The following SPATS2 variants were observed in gnomAD, a reference collection of about 807,000 sequenced individuals.
SPATS2 encodes the protein spermatogenesis-associated serine-rich protein 2.
A neutral mutation model predicts 63.7 loss-of-function variants in SPATS2; 38 were observed. The observed-to-expected ratio is 0.60, with a 90% CI of 0.46 to 0.78. SPATS2 has a LOEUF of 0.78. Ranked by LOEUF, SPATS2 falls within the 30% of genes least tolerant of loss-of-function variation. The pLI is 0.00. For missense variants in SPATS2, 588 were observed against 666.2 expected, an observed-to-expected ratio of 0.88 and a Z score of 1.29; for synonymous variants, 207 against 232.9, an observed-to-expected ratio of 0.89 and a Z score of 1.01.
At chr12:49,376,160 G>A (rs935646977) in intron 2 of SPATS2, among the ~76,000 whole-genome samples, 1 of 145,074 alleles carries the variant, frequency 6.9e-6, no homozygotes, top group African/African-American at 2.6e-5. Context: ...GGAGTGCAGT[G>A]GTGCAATCTT....
chr12:49,447,608 A>G (rs1046587145), intron 2 of SPATS2, among the ~76,000 whole-genome samples: 2 of 152,240 alleles, frequency 1.3e-5, no homozygotes, highest in African/African-American at 4.8e-5. Flanking sequence ...ATAAGACACA[A>G]TCTGGCCTTG....
intron 2 of SPATS2, among the ~76,000 whole-genome samples, chr12:49,403,384 T>C (rs1221493311): frequency 6.6e-6 from 1 of 152,024 alleles, no homozygotes; most frequent in East Asian, 1.9e-4. Flanking sequence ...TCCCAGCACT[T>C]TGGGAGGCCG....
intron 6 of SPATS2, chr12:49,491,057 T>C (rs1946374344): frequency 5.5e-6 from 1 of 182,994 alleles, no homozygotes; most frequent in Admixed American, 6.1e-5. Context: ...GGCAGGAGAA[T>C]AACTTGAACC....
chr12:49,481,861 A>G (rs986021024), intron 3 of SPATS2, among the ~76,000 whole-genome samples: 1 of 152,110 alleles, frequency 6.6e-6, no homozygotes, highest in African/African-American at 2.4e-5. Flanking sequence ...TTCCTTAAAA[A>G]TGTGTTTCTG....
chr12:49,490,342 T>C (rs1457933957), intron 5 of SPATS2: 1 of 201,086 alleles, frequency 5.0e-6, no homozygotes, highest in Non-Finnish European at 9.9e-6. Flanking sequence ...GGGGAAAGGA[T>C]GGCACACTTG....
chr12:49,378,801 G>A (rs1019159779), intron 2 of SPATS2, among the ~76,000 whole-genome samples: 27 of 150,808 alleles, frequency 1.8e-4, no homozygotes, highest in Non-Finnish European at 3.7e-4. Context: ...TTGCTATGTT[G>A]CATAGGCTGG....
At chr12:49,485,669 G>A (rs1295969032) in intron 4 of SPATS2, among the ~76,000 whole-genome samples, 1 of 151,944 alleles carries the variant, frequency 6.6e-6, no homozygotes, top group African/African-American at 2.4e-5. Flanking sequence ...GATCTAAGGA[G>A]CATTCTTTTG....
chr12:49,517,805 G>A (rs1288781706), intron 10 of SPATS2, among the ~76,000 whole-genome samples: 1 of 152,118 alleles, frequency 6.6e-6, no homozygotes, highest in East Asian at 1.9e-4. Context: ...TTCATCTGTA[G>A]CAAAGCCAGA....
chr12:49,488,725 A>T (rs1314210089), intron 4 of SPATS2, among the ~76,000 whole-genome samples: 1 of 152,184 alleles, frequency 6.6e-6, no homozygotes, highest in Non-Finnish European at 1.5e-5. Flanking sequence ...ATGTGAAAAA[A>T]ACAAATTGAA....
chr12:49,522,462 C>T (rs1285646718), intron 11 of SPATS2, among the ~76,000 whole-genome samples: 1 of 152,170 alleles, frequency 6.6e-6, no homozygotes, highest in Non-Finnish European at 1.5e-5. Context: ...AGATGGCCCT[C>T]TACTATAAAT....
At chr12:49,384,380 A>G (rs1255661878) in intron 2 of SPATS2, among the ~76,000 whole-genome samples, 1 of 152,188 alleles carries the variant, frequency 6.6e-6, no homozygotes, top group South Asian at 2.1e-4. Flanking sequence ...TACAACATGT[A>G]TAAGTTGAAA....
chr12:49,458,970 A>G, intron 2 of SPATS2, among the ~76,000 whole-genome samples: 1 of 152,262 alleles, frequency 6.6e-6, no homozygotes, highest in African/African-American at 2.4e-5. Flanking sequence ...AACATTTTAA[A>G]TGGTTTGTTT....
intron 12 of SPATS2, 54 bp downstream of exon 12, chr12:49,522,907 T>C: frequency 6.9e-7 from 1 of 1,449,702 alleles, no homozygotes; most frequent in Admixed American, 1.8e-5. Context: ...AATTAGAGAC[T>C]GACGTGCTGA....
chr12:49,396,756 C>A lies in SPATS2; in HGVS notation c.-244+25466C>A, dbSNP rs573437941. ...CTTCGCATTTCATGGATGGAGCAGT[C>A]CTTTTTGTTTCTTAATTTATGCTCA... On this transcript the variant is annotated intron_variant, in intron 2 of 13. Transcript: ENST00000552918. Among the ~76,000 whole-genome samples, 292 of 152,294 alleles carry A rather than the reference C, an allele frequency of 1.9e-3. 1 individual carries two copies. The highest frequency in any genetic ancestry group is 6.7e-3 in the African/African-American group (277 of 41,556).
chr12:49,430,252 C>T (rs1028665275), intron 2 of SPATS2, among the ~76,000 whole-genome samples: 3 of 151,564 alleles, frequency 2.0e-5, no homozygotes, highest in Non-Finnish European at 2.9e-5. Flanking sequence ...AGCACGCCAC[C>T]GTGCCTGGCT....
chr12:49,479,527 G>A (rs754042012), intron 3 of SPATS2, among the ~76,000 whole-genome samples: 5 of 152,206 alleles, frequency 3.3e-5, no homozygotes, highest in Admixed American at 6.5e-5. Context: ...GCTACAGCTG[G>A]GAGATGGGGG....
intron 3 of SPATS2, among the ~76,000 whole-genome samples, chr12:49,479,294 C>A (rs900536592): frequency 5.9e-5 from 9 of 152,236 alleles, no homozygotes; most frequent in African/African-American, 2.2e-4. Flanking sequence ...GACAGTGGGG[C>A]CTAACCAGGG....
In SPATS2 at chr12:49,374,371, C is replaced by G. The variant is rs1944055872; in HGVS notation, c.-244+3081C>G. Among the ~76,000 whole-genome samples, 4 of 152,102 alleles carry G rather than the reference C, an allele frequency of 2.6e-5. No individual in the cohort carries two copies. The South Asian group carries it at 8.3e-4, about 31-fold the overall frequency. On this transcript the variant is annotated intron_variant, in intron 2 of 13. Transcript: ENST00000552918. ...CTTGAACTTCTGGGTTCAAGCGATC[C>G]TCCTGCCCTTGGCCTTCCGAAGTGC... is the stretch of plus-strand genomic sequence containing the variant.
At chr12:49,372,745 A>G (rs1944020057) in intron 2 of SPATS2, among the ~76,000 whole-genome samples, 1 of 152,000 alleles carries the variant, frequency 6.6e-6, no homozygotes, top group South Asian at 2.1e-4. Context: ...TGTCTGCTGT[A>G]TGCTTTAAAT....
Sources: allele counts gnomAD v4.1 joint callset (sites outside exome capture counted in the v4.1 genomes callset), GRCh38; gene constraint gnomAD v4.1.1; transcripts MANE v1.5; gene names NCBI Gene and HGNC (gene_info 2026-07-23, HGNC 2026-07-21).